Variants in SDK1 observed in about 807,000 individuals in gnomAD.
SDK1 encodes the protein protein sidekick-1.
In SDK1, 157 loss-of-function variants were observed where a neutral mutation model predicts 245.5. That is an observed-to-expected ratio of 0.64 (90% CI 0.56 to 0.73). The LOEUF (loss-of-function observed/expected upper bound fraction) is 0.73. Ranked by LOEUF, SDK1 falls within the 30% of genes least tolerant of loss-of-function variation. The pLI is 0.00. For synonymous variants in SDK1, 1,647 were observed against 1,278.5 expected, an observed-to-expected ratio of 1.29 and a Z score of -6.15; for missense variants, 3,583 against 3,002.3, an observed-to-expected ratio of 1.19 and a Z score of -4.52.
In SDK1 at chr7:3,597,557, C is replaced by T. The variant is rs1249337503; in HGVS notation, c.299-21523C>T. Among the ~76,000 whole-genome samples, 5 of 152,134 alleles carry T rather than the reference C, an allele frequency of 3.3e-5. No homozygotes were observed. In the East Asian group the frequency reaches 9.7e-4, roughly 29 times the overall value. On this transcript the variant is annotated intron_variant, in intron 1 of 44. Coordinates refer to ENST00000404826, the MANE Select transcript of SDK1 (RefSeq NM_152744.4). ...TGTTAGAGAGAACTTCCTTATTATGCTGGAGTGTCCCATTTTAGGAGGAAA... is the reference window on the plus strand; with the variant it reads ...TGTTAGAGAGAACTTCCTTATTATGTTGGAGTGTCCCATTTTAGGAGGAAA...
intron 4 of SDK1, among the ~76,000 whole-genome samples, chr7:3,758,619 C>G (rs796851171): frequency 2.0e-4 from 30 of 152,278 alleles, no homozygotes; most frequent in African/African-American, 6.7e-4. Flanking sequence ...GTGCTCTTAT[C>G]TTTTTCTTTT....
At chr7:3,543,705 C>T (rs1295306276) in intron 1 of SDK1, among the ~76,000 whole-genome samples, 1 of 152,216 alleles carries the variant, frequency 6.6e-6, no homozygotes, top group African/African-American at 2.4e-5. Context: ...CTCATAGACA[C>T]AGGCAGGAGT....
At chr7:3,417,274 C>T (rs974339981) in intron 1 of SDK1, among the ~76,000 whole-genome samples, 2 of 152,164 alleles carry the variant, frequency 1.3e-5, no homozygotes, top group African/African-American at 2.4e-5. Context: ...ACATTTAAAA[C>T]TATGGAACAA....
intron 5 of SDK1, among the ~76,000 whole-genome samples, chr7:3,915,193 A>G (rs1208995050): frequency 6.6e-6 from 1 of 152,162 alleles, no homozygotes; most frequent in Non-Finnish European, 1.5e-5. Context: ...AGCCAGAGAA[A>G]GCTGGAGCCT....
In SDK1 at chr7:4,268,221, G is replaced by T; in HGVS notation, c.*2837G>T. The T allele has an allele frequency of 1.0e-6, 1 of 990,672 alleles. No homozygotes were observed. Among genetic ancestry groups the T allele is most frequent in the Non-Finnish European group, 1.2e-6 (1 of 833,130 alleles). 61.4% of individuals were successfully genotyped at this position (990,672 alleles called of 1,614,324 possible). On this transcript the variant is annotated 3_prime_UTR_variant, in exon 45 of 45. Transcript: ENST00000404826. ...TTTCAGATTGCTTCGGCCCCACCCT[G>T]CAAGGATGTGGTCACGGAGTGGCCA...
intron 32 of SDK1, among the ~76,000 whole-genome samples, chr7:4,173,260 TCA>T (rs1278628514): frequency 2.0e-5 from 3 of 152,184 alleles, no homozygotes; most frequent in Non-Finnish European, 4.4e-5. Flanking sequence ...GCTCGGAGGC[TCA>T]GCACCCAGAT....
chr7:4,196,885 C>T (rs1205914880), intron 35 of SDK1, among the ~76,000 whole-genome samples: 5 of 152,212 alleles, frequency 3.3e-5, no homozygotes, highest in African/African-American at 9.6e-5. Context: ...GGCTGCCTCT[C>T]TCCATCCCCT....
chr7:4,109,276 T>TA (rs1161050982), intron 22 of SDK1, among the ~76,000 whole-genome samples: 2 of 152,142 alleles, frequency 1.3e-5, no homozygotes, highest in Non-Finnish European at 2.9e-5. Flanking sequence ...CGTTGAGAGT[T>TA]TTGCGCTTTG....
chr7:4,227,056 G>T (rs957530869), intron 40 of SDK1: 5 of 220,006 alleles, frequency 2.3e-5, no homozygotes, highest in Non-Finnish European at 4.5e-5. Context: ...CTGTCCACTC[G>T]TAGTCCCCTG....
chr7:3,609,557 T>A (rs1229404068), intron 1 of SDK1, among the ~76,000 whole-genome samples: 1 of 151,962 alleles, frequency 6.6e-6, no homozygotes, highest in Non-Finnish European at 1.5e-5. Context: ...CGTGCCACCA[T>A]ACCCGGCTAA....
At chr7:3,487,686 T>C (rs573220482) in intron 1 of SDK1, among the ~76,000 whole-genome samples, 5 of 144,976 alleles carry the variant, frequency 3.4e-5, no homozygotes, top group South Asian at 2.3e-4. Context: ...TCCCAGGAAA[T>C]TGAGGCTGCA....
chr7:3,601,677 A>G (rs1308368809), intron 1 of SDK1, among the ~76,000 whole-genome samples: 2 of 151,478 alleles, frequency 1.3e-5, no homozygotes, highest in African/African-American at 4.8e-5. Context: ...ATTTATTTAA[A>G]TTTTATTTTA....
chr7:3,784,395 A>C (rs1235446030), intron 4 of SDK1, among the ~76,000 whole-genome samples: 2 of 152,130 alleles, frequency 1.3e-5, no homozygotes, highest in Non-Finnish European at 2.9e-5. Flanking sequence ...TAAAGTCTTA[A>C]ATATAAGATG....
At chr7:3,323,812 G>C (rs1270696067) in intron 1 of SDK1, among the ~76,000 whole-genome samples, 1 of 152,188 alleles carries the variant, frequency 6.6e-6, no homozygotes, top group Non-Finnish European at 1.5e-5. Context: ...ACAGGTTCCA[G>C]AGTATGGGGC....
intron 14 of SDK1, among the ~76,000 whole-genome samples, chr7:3,988,457 GACCAGGCC>G (rs1784044856): frequency 6.6e-6 from 1 of 151,996 alleles, no homozygotes; most frequent in Non-Finnish European, 1.5e-5. Context: ...GATATACCCA[GACCAGGCC>G]ACTCCCCTGT....
At chr7:3,371,926 C>G (rs531225710) in intron 1 of SDK1, among the ~76,000 whole-genome samples, 12 of 152,284 alleles carry the variant, frequency 7.9e-5, no homozygotes, top group African/African-American at 2.9e-4. Context: ...TAGGATAAAA[C>G]AATCCCAGGA....
At chr7:3,794,247 T>G (rs2115027242) in intron 4 of SDK1, among the ~76,000 whole-genome samples, 1 of 152,306 alleles carries the variant, frequency 6.6e-6, no homozygotes, top group Non-Finnish European at 1.5e-5. Flanking sequence ...CGAATGTCCC[T>G]TCCCACATCT....
At position 4,062,804 on chromosome 7, in the gene SDK1, T is replaced by C. The variant is rs946491598; in HGVS notation, c.2912-5034T>C. ...AGGGATGCAAGGATGGTTCAACATA[T>C]ACATATCCATAAATGTGATACATCA... On this transcript the variant is annotated intron_variant, in intron 19 of 44. Transcript: ENST00000404826. Among the ~76,000 whole-genome samples the C allele has an allele frequency of 3.3e-5, 5 of 152,270 alleles. No individual in the cohort carries two copies. The East Asian group carries it at 9.6e-4, about 29-fold the overall frequency.
At chr7:4,258,609 C>A (rs1261142099) in intron 44 of SDK1, among the ~76,000 whole-genome samples, 2 of 152,154 alleles carry the variant, frequency 1.3e-5, no homozygotes, top group African/African-American at 4.8e-5. Flanking sequence ...GGTTTTGGCC[C>A]CGGTCTGGCC....
Sources: gnomAD v4.1 joint callset for allele counts (sites outside exome capture counted in the v4.1 genomes callset) on GRCh38, gnomAD v4.1.1 for gene constraint, MANE v1.5 for transcripts, NCBI Gene and HGNC (gene_info 2026-07-23, HGNC 2026-07-21) for gene names.